Variants in RBFOX1 observed in about 807,000 individuals in gnomAD.
RBFOX1 encodes the protein RNA binding fox-1 homolog 1, also known as RNA binding protein fox-1 homolog 1.
A neutral mutation model predicts 57.7 loss-of-function variants in RBFOX1; 8 were observed. That is an observed-to-expected ratio of 0.14 (90% CI 0.08 to 0.25). The LOEUF is 0.25. Ranked by LOEUF, RBFOX1 falls within the 10% of genes least tolerant of loss-of-function variation. The probability of loss-of-function intolerance (pLI) is 1.00; values close to 1 mark genes in which losing one functional copy is unlikely to be tolerated. For synonymous variants in RBFOX1, 326 were observed against 222.4 expected, an observed-to-expected ratio of 1.47 and a Z score of -4.15; for missense variants, 611 against 548.5, an observed-to-expected ratio of 1.11 and a Z score of -1.14.
At chr16:6,458,877 G>A (rs2094840909) in intron 2 of RBFOX1, among the ~76,000 whole-genome samples, 1 of 152,180 alleles carries the variant, frequency 6.6e-6, no homozygotes, top group Non-Finnish European at 1.5e-5. Flanking sequence ...CAGAATTACT[G>A]GAGGGTTAGG....
At chr16:7,358,138 C>G (rs928643122) in intron 4 of RBFOX1, among the ~76,000 whole-genome samples, 1 of 152,122 alleles carries the variant, frequency 6.6e-6, no homozygotes, top group East Asian at 1.9e-4. Flanking sequence ...ATAACTCACT[C>G]CAGAAAATAA....
chr16:6,801,777 C>G (rs992837053), intron 3 of RBFOX1, among the ~76,000 whole-genome samples: 2 of 151,996 alleles, frequency 1.3e-5, no homozygotes, highest in Admixed American at 6.6e-5. Flanking sequence ...GAAAATATTG[C>G]CAGACCGACT....
intron 3 of RBFOX1, among the ~76,000 whole-genome samples, chr16:6,905,292 T>C (rs7498679): frequency 6.6e-6 from 1 of 151,698 alleles, no homozygotes; most frequent in Non-Finnish European, 1.5e-5. Context: ...AGTAGGTCAT[T>C]CCTGTAATCC....
At chr16:7,464,660 C>T (rs1057199066) in intron 4 of RBFOX1, among the ~76,000 whole-genome samples, 6 of 151,256 alleles carry the variant, frequency 4.0e-5, no homozygotes, top group Non-Finnish European at 8.8e-5. Flanking sequence ...CCCCCCTCCC[C>T]GCCCGAAATA....
At chr16:7,264,628 T>C (rs981886916) in intron 4 of RBFOX1, among the ~76,000 whole-genome samples, 5 of 152,248 alleles carry the variant, frequency 3.3e-5, no homozygotes, top group African/African-American at 1.2e-4. Flanking sequence ...AAATTTGATT[T>C]ATGGACACTG....
chr16:6,537,424 C>T (rs1005880282), intron 2 of RBFOX1, among the ~76,000 whole-genome samples: 3 of 152,086 alleles, frequency 2.0e-5, no homozygotes, highest in Admixed American at 6.6e-5. Context: ...TGGAGCCATG[C>T]GTGTATTATT....
intron 1 of RBFOX1, among the ~76,000 whole-genome samples, chr16:6,256,181 A>ACGTATATATATGTATATG: frequency 3.0e-5 from 1 of 33,378 alleles, no homozygotes; most frequent in East Asian, 1.5e-3. Context: ...GTATATATAT[A>ACGTATATATATGTATATG]TATACGTATA....
At chr16:7,699,210 T>C (rs887260499) in intron 14 of RBFOX1, among the ~76,000 whole-genome samples, 4 of 152,172 alleles carry the variant, frequency 2.6e-5, no homozygotes, top group Non-Finnish European at 4.4e-5. Flanking sequence ...CTCTTTGAGA[T>C]AGGGTCTCTG....
chr16:5,245,758 T>C (rs1384284344), intron 1 of RBFOX1, among the ~76,000 whole-genome samples: 2 of 150,218 alleles, frequency 1.3e-5, no homozygotes, highest in African/African-American at 4.9e-5. Context: ...TTTTATGAAA[T>C]ATTTTCAAAC....
intron 3 of RBFOX1, among the ~76,000 whole-genome samples, chr16:6,973,384 A>G (rs2086028550): frequency 6.6e-6 from 1 of 152,228 alleles, no homozygotes; most frequent in Non-Finnish European, 1.5e-5. Context: ...TAATTCAACT[A>G]TAAGAGATAA....
At chr16:6,518,773 A>G (rs879255864) in intron 2 of RBFOX1, among the ~76,000 whole-genome samples, 24 of 77,464 alleles carry the variant, frequency 3.1e-4, no homozygotes, top group East Asian at 1.5e-3. Context: ...CTATCTATCC[A>G]TCTGTCTGTC....
intron 3 of RBFOX1, among the ~76,000 whole-genome samples, chr16:6,803,773 A>G (rs2086052859): frequency 6.6e-6 from 1 of 152,046 alleles, no homozygotes; most frequent in African/African-American, 2.4e-5. Flanking sequence ...AGAGAATAAG[A>G]TTCATAAGGA....
At chr16:6,601,442 T>C (rs1414301506) in intron 2 of RBFOX1, among the ~76,000 whole-genome samples, 1 of 152,134 alleles carries the variant, frequency 6.6e-6, no homozygotes, top group Non-Finnish European at 1.5e-5. Flanking sequence ...AATCGGTGTT[T>C]GTCATTTACC....
chr16:7,076,009 T>A (rs1448104384), intron 4 of RBFOX1, among the ~76,000 whole-genome samples: 1 of 151,902 alleles, frequency 6.6e-6, no homozygotes, highest in African/African-American at 2.4e-5. Flanking sequence ...ACACCAGTTG[T>A]CAGTTTCTAT....
At chr16:6,053,071 CA>C (rs1017205880) in intron 1 of RBFOX1, among the ~76,000 whole-genome samples, 4 of 152,004 alleles carry the variant, frequency 2.6e-5, no homozygotes, top group African/African-American at 9.7e-5. Context: ...GGAAGTTTTT[CA>C]GGGGAAGGGT....
At chr16:7,161,644 G>A (rs190134722) in intron 4 of RBFOX1, among the ~76,000 whole-genome samples, 8 of 152,274 alleles carry the variant, frequency 5.3e-5, no homozygotes, top group African/African-American at 1.9e-4. Flanking sequence ...TTCTATGGAG[G>A]TAAGGAAGAG....
At chr16:6,689,774 G>C (rs1381539149) in intron 3 of RBFOX1, among the ~76,000 whole-genome samples, 1 of 152,172 alleles carries the variant, frequency 6.6e-6, no homozygotes, top group African/African-American at 2.4e-5. Flanking sequence ...CAGCTGTTTT[G>C]TTTCTCCGTC....
chr16:5,693,470 G>T (rs1237727486), intron 3 of RBFOX1, among the ~76,000 whole-genome samples: 6 of 151,316 alleles, frequency 4.0e-5, no homozygotes, highest in Admixed American at 4.0e-4. Flanking sequence ...ATTTTGTTTT[G>T]CCTGTTCTTT....
intron 4 of RBFOX1, among the ~76,000 whole-genome samples, chr16:7,054,495 C>G (rs926353074): frequency 7.3e-6 from 1 of 136,802 alleles, no homozygotes; most frequent in African/African-American, 2.6e-5. Flanking sequence ...CCAGCCTCGG[C>G]CCCCCAAGGT....
Sources: gnomAD v4.1 joint callset for allele counts (sites outside exome capture counted in the v4.1 genomes callset) on GRCh38, gnomAD v4.1.1 for gene constraint, MANE v1.5 for transcripts, NCBI Gene and HGNC (gene_info 2026-07-23, HGNC 2026-07-21) for gene names.